Variants in KCNQ1 observed in about 807,000 individuals in gnomAD.
KCNQ1 encodes potassium voltage-gated channel subfamily Q member 1.
In KCNQ1, 49 loss-of-function variants were observed where a neutral mutation model predicts 72.4. That is an observed-to-expected ratio of 0.68 (90% CI 0.54 to 0.86). The LOEUF (loss-of-function observed/expected upper bound fraction) is 0.86, where lower values mean the gene tolerates loss of function less well. KCNQ1 is among the 40% of genes least tolerant of loss of function. The probability of loss-of-function intolerance (pLI) is 0.00; values close to 1 mark genes in which losing one functional copy is unlikely to be tolerated. For missense variants in KCNQ1, 790 were observed against 945.1 expected, an observed-to-expected ratio of 0.84 and a Z score of 2.15; for synonymous variants, 450 against 412.6, an observed-to-expected ratio of 1.09 and a Z score of -1.10.
chr11:2,570,401 G>C lies in KCNQ1; in HGVS notation c.478-227G>C, dbSNP rs1452886269. Among the ~76,000 whole-genome samples, 4 of 129,864 alleles carry C rather than the reference G, an allele frequency of 3.1e-5. No individual in the cohort carries two copies. In the Admixed American group the frequency reaches 3.5e-4, roughly 11 times the overall value. The allele number at this position is 129,864 out of a possible 152,430, so 85.2% of individuals were successfully genotyped here. On this transcript the variant is annotated intron_variant, in intron 2 of 15. Coordinates refer to ENST00000155840, the MANE Select transcript of KCNQ1 (RefSeq NM_000218.3). ...GGGTGGGCCTGGCCTGAGAGCTGCAGCCTCACCTGGGCTCCACTGCCTATG... is the reference window on the plus strand; with the variant it reads ...GGGTGGGCCTGGCCTGAGAGCTGCACCCTCACCTGGGCTCCACTGCCTATG...
intron 1 of KCNQ1, among the ~76,000 whole-genome samples, chr11:2,510,774 G>A (rs981693376): frequency 1.3e-5 from 2 of 152,170 alleles, no homozygotes; most frequent in Admixed American, 6.5e-5. Flanking sequence ...CTGCCTCCAG[G>A]TCCTGGGAAG....
chr11:2,667,342 T>A, intron 11 of KCNQ1: 1 of 398,644 alleles, frequency 2.5e-6, no homozygotes, highest in Non-Finnish European at 4.4e-6. Flanking sequence ...AGGCTTCTCA[T>A]TTCCTCTGCA....
At chr11:2,801,836 AG>A (rs1309731061) in intron 15 of KCNQ1, among the ~76,000 whole-genome samples, 3 of 152,210 alleles carry the variant, frequency 2.0e-5, no homozygotes, top group Admixed American at 2.0e-4. Context: ...TGCCTGCGCC[AG>A]GGAAGACCAG....
chr11:2,591,842 G>A (rs577905789), intron 10 of KCNQ1, among the ~76,000 whole-genome samples: 1 of 152,368 alleles, frequency 6.6e-6, no homozygotes, highest in Admixed American at 6.5e-5. Context: ...CAGCTTTCTG[G>A]AGCCTGAGCT....
At chr11:2,666,013 C>T in intron 11 of KCNQ1, 1 of 398,690 alleles carries the variant, frequency 2.5e-6, no homozygotes, top group East Asian at 3.6e-5. Flanking sequence ...ACACGTCTGC[C>T]CCATTGGTTG....
At chr11:2,680,488 G>A (rs1353365164) in intron 11 of KCNQ1, 3 of 397,760 alleles carry the variant, frequency 7.5e-6, no homozygotes, top group Non-Finnish European at 1.3e-5. Flanking sequence ...TTTAATTTGG[G>A]CATTTTTTAA....
chr11:2,714,149 G>C (rs941797212), intron 11 of KCNQ1, among the ~76,000 whole-genome samples: 8 of 152,236 alleles, frequency 5.3e-5, no homozygotes, highest in African/African-American at 1.9e-4. Context: ...CTGGGCAGGC[G>C]CAGTGCCCAG....
intron 2 of KCNQ1, among the ~76,000 whole-genome samples, chr11:2,545,421 G>A (rs898496547): frequency 6.6e-6 from 1 of 152,194 alleles, no homozygotes. Context: ...TGCTTGATGA[G>A]AAGATTGTTA....
Position 2,475,143 on chromosome 11 carries a change from T to A in KCNQ1, c.386+29659T>A, listed in dbSNP as rs922116696. ...CAAGAGGAAATTAGCAGTCACCCCT[T>A]TCCCCCATGCCCCCAGCTCCTGACA... is the stretch of plus-strand genomic sequence containing the variant. On this transcript the variant is annotated intron_variant, in intron 1 of 15. Coordinates refer to ENST00000155840, the MANE Select transcript of KCNQ1 (RefSeq NM_000218.3). The surrounding 1 kb of genome is among the most constrained non-coding windows in gnomAD (Gnocchi z 5.8). 2.0e-5 allele frequency among the ~76,000 whole-genome samples: 3 copies of A among 152,194 alleles called. No individual in the cohort carries two copies. The East Asian group carries it at 5.8e-4, about 29-fold the overall frequency.
At position 2,564,977 on chromosome 11, in the gene KCNQ1, C is replaced by T. The variant is rs1033525782; in HGVS notation, c.478-5651C>T. Among the ~76,000 whole-genome samples, 26 of 152,170 alleles carry T rather than the reference C, an allele frequency of 1.7e-4. No homozygotes were observed. The highest frequency in any genetic ancestry group is 5.8e-4 in the African/African-American group (24 of 41,430). On this transcript the variant is annotated intron_variant, in intron 2 of 15. Transcript: ENST00000155840. This position sits in a 1 kb window ranked among gnomAD's most constrained non-coding sequence, Gnocchi z 4.5. The stretch of plus-strand genomic sequence containing the variant: ...AGGGAGGGACCACATCTTCCGTCTC[C>T]GTCGGTGCACTGAGGGACACTGGGC...
rs72847673 is a variant in KCNQ1 at position 2,537,811 on chromosome 11, T to C, written c.477+9793T>C. 0.061 allele frequency among the ~76,000 whole-genome samples: 9,319 copies of C among 152,214 alleles called. 365 individuals are homozygous for C. Among genetic ancestry groups the C allele is most frequent in the Non-Finnish European group, 0.089 (6,066 of 68,000 alleles). ...ACGGCTCACTGCAGCCTCGGCCTCCTGGCCTCAAGTGTTCCCACTTCAGCC... is the reference window on the plus strand; with the variant it reads ...ACGGCTCACTGCAGCCTCGGCCTCCCGGCCTCAAGTGTTCCCACTTCAGCC... On this transcript the variant is annotated intron_variant, in intron 2 of 15. Coordinates refer to ENST00000155840, the MANE Select transcript of KCNQ1 (RefSeq NM_000218.3). The surrounding 1 kb of genome is among the most constrained non-coding windows in gnomAD (Gnocchi z 5.2).
intron 11 of KCNQ1, chr11:2,680,206 TAAAAAAAA>T (rs139249507): frequency 5.5e-6 from 2 of 362,348 alleles, no homozygotes; most frequent in Admixed American, 5.1e-5. Context: ...CTTGCCTAAT[TAAAAAAAA>T]AAAAAAAAAA....
In KCNQ1 at chr11:2,458,051, G is replaced by C. The variant is rs1846221492; in HGVS notation, c.386+12567G>C. 6.6e-6 allele frequency among the ~76,000 whole-genome samples: 1 copy of C among 152,106 alleles called. No individual in the cohort carries two copies. The highest frequency in any genetic ancestry group is 2.4e-5 in the African/African-American group (1 of 41,430). On this transcript the variant is annotated intron_variant, in intron 1 of 15. Coordinates refer to ENST00000155840, the MANE Select transcript of KCNQ1 (RefSeq NM_000218.3). This position sits in a 1 kb window ranked among gnomAD's most constrained non-coding sequence, Gnocchi z 4.6. ...AACCAGGGCCCCTGGCGGATTCCAG[G>C]TCTGTGGCAGAAGATGTGCAAGCTA...
At chr11:2,667,921 T>G (rs149323226) in intron 11 of KCNQ1, 1 of 398,546 alleles carries the variant, frequency 2.5e-6, no homozygotes, top group African/African-American at 2.1e-5. Context: ...CTGGGACCCA[T>G]GTGTGCAGCA....
chr11:2,802,129 C>T (rs1445451524), intron 15 of KCNQ1, among the ~76,000 whole-genome samples: 2 of 152,222 alleles, frequency 1.3e-5, no homozygotes, highest in Non-Finnish European at 2.9e-5. Context: ...GGCCCATCCA[C>T]CCTCCACTCC....
chr11:2,760,409 T>C (rs1193722681), intron 11 of KCNQ1, among the ~76,000 whole-genome samples: 3 of 152,208 alleles, frequency 2.0e-5, no homozygotes, highest in African/African-American at 2.4e-5. Flanking sequence ...CATTAATGAA[T>C]GAACAGGTGA....
intron 15 of KCNQ1, among the ~76,000 whole-genome samples, chr11:2,801,328 C>G (rs897329976): frequency 3.3e-5 from 5 of 152,240 alleles, no homozygotes; most frequent in Non-Finnish European, 7.3e-5. Flanking sequence ...GCAGTCCCCT[C>G]TAGCTCTCCA....
Position 2,690,004 on chromosome 11 carries a change from T to C in KCNQ1, c.1514+27923T>C, listed in dbSNP as rs1460439829. 4 of 398,754 alleles carry C rather than the reference T, an allele frequency of 1.0e-5. No individual in the cohort carries two copies. The highest frequency in any genetic ancestry group is 8.8e-5 in the Admixed American group (2 of 22,728). 24.7% of individuals were successfully genotyped at this position (398,754 alleles called of 1,614,324 possible). On this transcript the variant is annotated intron_variant, in intron 11 of 15. Coordinates refer to ENST00000155840, the MANE Select transcript of KCNQ1 (RefSeq NM_000218.3). This position sits in a 1 kb window ranked among gnomAD's most constrained non-coding sequence, Gnocchi z 5.1. ...AGACCTTTGCCCAAGCAGAGAACTG[T>C]TGAGGAAGGTGAGCCTTCCGAGGGC... is the stretch of plus-strand genomic sequence containing the variant.
Position 2,724,763 on chromosome 11 carries a change from G to A in KCNQ1, c.1515-44081G>A, listed in dbSNP as rs1845727899. ...ACAGAACCAGGGCTCAGAGTTGGGG[G>A]AAGGGGCCAGTTCACCCACAGAGGG... On this transcript the variant is annotated intron_variant, in intron 11 of 15. Coordinates refer to ENST00000155840, the MANE Select transcript of KCNQ1 (RefSeq NM_000218.3). The surrounding 1 kb of genome is among the most constrained non-coding windows in gnomAD (Gnocchi z 6.8). 6.6e-6 allele frequency among the ~76,000 whole-genome samples: 1 copy of A among 152,204 alleles called. No homozygotes were observed. The highest frequency in any genetic ancestry group is 2.1e-4 in the South Asian group (1 of 4,834).
Sources: gnomAD v4.1 joint callset for allele counts (sites outside exome capture counted in the v4.1 genomes callset) on GRCh38, gnomAD v4.1.1 for gene constraint, Gnocchi (gnomAD v3.1) non-coding constraint, MANE v1.5 for transcripts, NCBI Gene and HGNC (gene_info 2026-07-23, HGNC 2026-07-21) for gene names.